The following MYSM1 variants were observed in gnomAD, a reference collection of about 807,000 sequenced individuals.
The protein encoded by MYSM1 is deubiquitinase MYSM1.
MYSM1 carries 51 observed loss-of-function variants against 116.0 expected under a neutral mutation model. That is an observed-to-expected ratio of 0.44 (90% CI 0.35 to 0.56). The LOEUF (loss-of-function observed/expected upper bound fraction) is 0.56. Among genes scored for constraint, MYSM1 ranks in the 20% least tolerant of loss-of-function variants. The pLI is 0.00. For synonymous variants in MYSM1, 313 were observed against 315.2 expected, an observed-to-expected ratio of 0.99 and a Z score of 0.07; for missense variants, 900 against 974.9, an observed-to-expected ratio of 0.92 and a Z score of 1.02.
chr1:58,668,899 G>T, intron 13 of MYSM1, 85 bp downstream of exon 13: 1 of 1,084,316 alleles, frequency 9.2e-7, no homozygotes, highest in South Asian at 1.4e-5. Flanking sequence ...CATATGCCTT[G>T]CACATACGGA....
intron 8 of MYSM1, among the ~76,000 whole-genome samples, chr1:58,677,623 A>G (rs1208336628): frequency 6.6e-6 from 1 of 152,130 alleles, no homozygotes; most frequent in Admixed American, 6.5e-5. Flanking sequence ...AGAAACTCCC[A>G]AAGATTATGA....
rs141971359 is a variant in MYSM1 at position 58,692,921 on chromosome 1, A to G, written c.158T>C (p.Leu53Ser). The change falls in exon 3 of 20, where the codon TTG becomes TCG. Residue 53 changes from leucine to serine, a missense_variant. Leu to Ser is a moderately radical substitution (Grantham distance 145, BLOSUM62 -2). Transcript: ENST00000472487. Reference protein sequence around the residue: ...RTENGLIPWTLDNTISEENRA... With the variant: ...RTENGLIPWTSDNTISEENRA... ...GTTCTCTTCACTGATGGTGTTATCCAAGGTCCAAGGCTATTAAAAAAGAGA... is the reference window on the plus strand; with the variant it reads ...GTTCTCTTCACTGATGGTGTTATCCGAGGTCCAAGGCTATTAAAAAAGAGA... The G allele has an allele frequency of 6.2e-7, 1 of 1,607,046 alleles. No individual in the cohort carries two copies. The highest frequency in any genetic ancestry group is 1.3e-5 in the African/African-American group (1 of 74,662).
intron 3 of MYSM1, among the ~76,000 whole-genome samples, chr1:58,691,323 T>C (rs1157503743): frequency 6.6e-6 from 1 of 152,058 alleles, no homozygotes; most frequent in Non-Finnish European, 1.5e-5. Flanking sequence ...ATGAAGTACT[T>C]TAAGATTAGC....
In MYSM1 at chr1:58,683,620, G is replaced by A. The variant is rs747880272; in HGVS notation, c.499-1075C>T. ...AACATGAAATAAAATCCTTACCTAC[G>A]AAGTTTTTAAAAAGTCTTATAAATG... On this transcript the variant is annotated intron_variant, in intron 7 of 19. Transcript: ENST00000472487. 4.6e-5 allele frequency among the ~76,000 whole-genome samples: 7 copies of A among 152,056 alleles called. No individual in the cohort carries two copies. The East Asian group carries it at 9.6e-4, about 21-fold the overall frequency.
intron 5 of MYSM1, chr1:58,689,336 G>A (rs972216328): frequency 4.4e-6 from 2 of 453,674 alleles, no homozygotes; most frequent in African/African-American, 4.1e-5. Flanking sequence ...AGCCCCAAAA[G>A]ACATAATCCT....
intron 6 of MYSM1, among the ~76,000 whole-genome samples, chr1:58,688,559 C>T (rs1021527502): frequency 3.4e-5 from 5 of 148,802 alleles, no homozygotes; most frequent in African/African-American, 7.5e-5. Context: ...TAGACATTCA[C>T]GCAAAAAAAA....
rs536104479 is a variant in MYSM1 at position 58,655,339 on chromosome 1, A to C, written c.*4658T>G. Reference sequence around the variant, plus strand: ...AGGCATTTTTTTCCCCTGAAATTAAAGTTCTTATGAATACCTTCATAAACA... The same window carrying C: ...AGGCATTTTTTTCCCCTGAAATTAACGTTCTTATGAATACCTTCATAAACA... On this transcript the variant is annotated 3_prime_UTR_variant, in exon 20 of 20. Transcript: ENST00000472487. 1 of 152,122 alleles carries C rather than the reference A, an allele frequency of 6.6e-6. No individual in the cohort carries two copies. Among genetic ancestry groups the C allele is most frequent in the East Asian group, 1.9e-4 (1 of 5,150 alleles). 9.4% of individuals were successfully genotyped at this position (152,122 alleles called of 1,614,324 possible). A position where few individuals can be genotyped will look rare whatever the true frequency, so the allele number is the denominator to read the frequency against.
chr1:58,670,619 C>T (rs999780758), intron 12 of MYSM1, among the ~76,000 whole-genome samples: 3 of 152,114 alleles, frequency 2.0e-5, no homozygotes, highest in African/African-American at 7.2e-5. Flanking sequence ...TATATTTTAT[C>T]TGAAATTAAA....
At chr1:58,695,247 T>C in intron 1 of MYSM1, 40 bp from the exon 2 acceptor site, 2 of 1,284,288 alleles carry the variant, frequency 1.6e-6, no homozygotes, top group Admixed American at 1.7e-5. Flanking sequence ...GTGAAAATCA[T>C]ATTAGTTAAT....
Position 58,679,466 on chromosome 1 carries a change from G to C in MYSM1, c.1259+2319C>G, listed in dbSNP as rs538114734. On this transcript the variant is annotated intron_variant, in intron 8 of 19. Transcript: ENST00000472487. ...CAAGAATATAGTGATCATTCATATG[G>C]ACATTTTTAAGAGACAGGATCTTGC... 6.6e-5 allele frequency among the ~76,000 whole-genome samples: 10 copies of C among 152,148 alleles called. No homozygotes were observed. The East Asian group carries it at 1.2e-3, about 18-fold the overall frequency.
intron 13 of MYSM1, 135 bp downstream of exon 13, chr1:58,668,849 C>G: frequency 1.0e-6 from 1 of 988,314 alleles, no homozygotes; most frequent in Middle Eastern, 2.1e-4. Context: ...TTTAAAATTC[C>G]AGCAGGGAGA....
intron 14 of MYSM1, 145 bp downstream of exon 14, chr1:58,668,482 CAAAAG>C (rs1644507180): frequency 1.5e-6 from 2 of 1,354,980 alleles, no homozygotes; most frequent in East Asian, 3.0e-5. Flanking sequence ...GGCTTTTCTC[CAAAAG>C]AAAAGACTTA....
rs756486315 is a variant in MYSM1 at position 58,685,254 on chromosome 1, G to A, written c.400-3C>T. The A allele has an allele frequency of 1.3e-6, 2 of 1,596,946 alleles. No homozygotes were observed. The highest frequency in any genetic ancestry group is 1.8e-5 in the Admixed American group (1 of 56,726). On this transcript the variant is annotated splice_region_variant and splice_polypyrimidine_tract_variant and intron_variant, in intron 6 of 19. Coordinates refer to ENST00000472487, the MANE Select transcript of MYSM1 (RefSeq NM_001085487.3). ...GTCCATCTTCGGCCAAATTTAGCCT[G>A]TATTATTAAAATGGGAAAAAAAATT...
At position 58,656,841 on chromosome 1, in the gene MYSM1, T is replaced by C. The variant is rs1644325039; in HGVS notation, c.*3156A>G. The C allele has an allele frequency of 6.6e-6, 1 of 152,234 alleles. No homozygotes were observed. Among genetic ancestry groups the C allele is most frequent in the Non-Finnish European group, 1.5e-5 (1 of 68,040 alleles). The allele number at this position is 152,234 out of a possible 1,614,324, so 9.4% of individuals were successfully genotyped here. A position where few individuals can be genotyped will look rare whatever the true frequency, so the allele number is the denominator to read the frequency against. ...CCCACAAAAATGTTTTAATTTTTTTTAGCCTCATAAGAAAAAACTGAACTT... is the reference window on the plus strand; with the variant it reads ...CCCACAAAAATGTTTTAATTTTTTTCAGCCTCATAAGAAAAAACTGAACTT... On this transcript the variant is annotated 3_prime_UTR_variant, in exon 20 of 20. Coordinates refer to ENST00000472487, the MANE Select transcript of MYSM1 (RefSeq NM_001085487.3).
chr1:58,690,180 TTAAC>T lies in MYSM1; in HGVS notation c.320+42_320+45del, dbSNP rs1557524427. 21 of 1,404,246 alleles carry T rather than the reference TTAAC, an allele frequency of 1.5e-5. No individual in the cohort carries two copies. The East Asian group carries it at 1.8e-4, about 12-fold the overall frequency. The allele number at this position is 1,404,246 out of a possible 1,614,324, so 87.0% of individuals were successfully genotyped here. ...TTAAAAAAAAATTATTCCATAATTTTTAACTAATGAAAACAGATTTATAAATATA... is the reference window on the plus strand; with the variant it reads ...TTAAAAAAAAATTATTCCATAATTTTTAATGAAAACAGATTTATAAATATA... On this transcript the variant is annotated intron_variant, in intron 5 of 19. Transcript: ENST00000472487.
Position 58,667,852 on chromosome 1 carries a change from C to G in MYSM1, c.1837G>C (p.Val613Leu). ...TTTTAAAAGAGAGAACTTACTTCAA[C>G]TACTTTATCAACTTCTGAGTATCTT... ...GGRYSEVDKVVEVCAAEPCNS... is the reference protein window; with the variant it reads ...GGRYSEVDKVLEVCAAEPCNS... The change falls in exon 15 of 20, where the codon GTT (valine) becomes CTT (leucine). Residue 613 changes from valine (V) to leucine (L), a missense_variant. This residue lies in a region of MYSM1 where 92 missense variants were observed against 155.0 expected (regional missense o/e 0.59). Coordinates refer to ENST00000472487, the MANE Select transcript of MYSM1 (RefSeq NM_001085487.3). 1 of 1,596,172 alleles carries G rather than the reference C, an allele frequency of 6.3e-7. No homozygotes were observed. Among genetic ancestry groups the G allele is most frequent in the Non-Finnish European group, 8.6e-7 (1 of 1,163,810 alleles).
intron 10 of MYSM1, among the ~76,000 whole-genome samples, chr1:58,674,947 A>G (rs1201792780): frequency 1.3e-5 from 2 of 151,644 alleles, no homozygotes; most frequent in African/African-American, 4.8e-5. Flanking sequence ...AAAAAAGAAA[A>G]AAAAAGTGTT....
Position 58,690,410 on chromosome 1 carries a change from A to C in MYSM1, c.226T>G (p.Leu76Val). 6.3e-7 allele frequency: 1 copy of C among 1,593,648 alleles called. No homozygotes were observed. Among genetic ancestry groups the C allele is most frequent in the Non-Finnish European group, 8.6e-7 (1 of 1,168,140 alleles). ...TTTTCCGGTTGTGATTTTTTAGATA[A>C]ATAATATCTGTGTAACTATCAAGGA... ...EKMLLEEEYYLSKKSQPEKVW... is the reference protein window; with the variant it reads ...EKMLLEEEYYVSKKSQPEKVW... The change falls in exon 4 of 20, where the codon TTA (leucine) becomes GTA (valine). Residue 76 changes from leucine (L) to valine (V), a missense_variant. By Grantham distance (32) the Leu-to-Val change is conservative. This residue lies in a region of MYSM1 where 622 missense variants were observed against 623.7 expected (regional missense o/e 1.00). Transcript: ENST00000472487.
chr1:58,669,457 A>G (rs760782609), intron 12 of MYSM1, among the ~76,000 whole-genome samples: 1 of 152,214 alleles, frequency 6.6e-6, no homozygotes, highest in Non-Finnish European at 1.5e-5. Flanking sequence ...TAGGAACTTA[A>G]AACATTTTTT....
Sources: allele counts gnomAD v4.1 joint callset (sites outside exome capture counted in the v4.1 genomes callset), GRCh38; gene constraint gnomAD v4.1.1; regional missense constraint gnomAD v4.1.1; transcripts MANE v1.5; gene names NCBI Gene and HGNC (gene_info 2026-07-23, HGNC 2026-07-21).